MARK3: variants seen among roughly 807,000 people sequenced by gnomAD.
The protein encoded by MARK3 is microtubule affinity regulating kinase 3.
MARK3 carries 46 observed loss-of-function variants against 90.1 expected under a neutral mutation model. That is an observed-to-expected ratio of 0.51 (90% CI 0.40 to 0.65). The LOEUF (loss-of-function observed/expected upper bound fraction) is 0.65. Ranked by LOEUF, MARK3 falls within the 30% of genes least tolerant of loss-of-function variation. MARK3 has a pLI of 0.00. For missense variants in MARK3, 818 were observed against 947.2 expected (o/e 0.86, Z 1.79); for synonymous variants, 321 against 332.6 (o/e 0.97, Z 0.38).
intron 2 of MARK3, among the ~76,000 whole-genome samples, chr14:103,417,991 C>T (rs2092024337): frequency 6.6e-6 from 1 of 152,070 alleles, no homozygotes; most frequent in Non-Finnish European, 1.5e-5. Context: ...ATCTCTTGAA[C>T]CCGGGAGGCA....
intron 12 of MARK3, among the ~76,000 whole-genome samples, chr14:103,470,663 G>A (rs1016581210): frequency 3.3e-5 from 5 of 151,210 alleles, no homozygotes; most frequent in African/African-American, 1.2e-4. Context: ...ACCACATTTG[G>A]CCAGGCTGGT....
chr14:103,415,231 CAT>C (rs2091895515), intron 2 of MARK3, among the ~76,000 whole-genome samples: 1 of 122,670 alleles, frequency 8.2e-6, no homozygotes, highest in African/African-American at 3.0e-5. Context: ...ATTTAACAAA[CAT>C]GTTGGAATAA....
At position 103,468,096 on chromosome 14, in the gene MARK3, G is replaced by T. The variant is rs2093549859; in HGVS notation, c.1174G>T (p.Asp392Tyr). The T allele has an allele frequency of 6.2e-7, 1 of 1,614,002 alleles. No individual in the cohort carries two copies. Among genetic ancestry groups the T allele is most frequent in the Non-Finnish European group, 8.5e-7 (1 of 1,179,988 alleles). Residue 392 changes from aspartate to tyrosine, a missense_variant, in exon 12 of 18, where the codon GAT becomes TAT. Transcript: ENST00000429436. ...LSLAKVRPSS[D>Y]LNNSTGQSPH... ...ACTTGCTAAGGTTAGGCCGAGCAGTGATCTCAACAACAGTACTGGCCAGTC... is the reference window on the plus strand; with the variant it reads ...ACTTGCTAAGGTTAGGCCGAGCAGTTATCTCAACAACAGTACTGGCCAGTC...
intron 1 of MARK3, among the ~76,000 whole-genome samples, chr14:103,392,729 C>T (rs2090335308): frequency 6.6e-6 from 1 of 151,896 alleles, no homozygotes; most frequent in Admixed American, 6.6e-5. Flanking sequence ...ATTTGGTGAT[C>T]ACTTAACTGT....
intron 11 of MARK3, chr14:103,467,673 T>TG (rs1164167633): frequency 1.7e-4 from 1 of 5,974 alleles, no homozygotes; most frequent in Non-Finnish European, 3.8e-4. Context: ...AGACTCTGTC[T>TG]CAAAAAAAAA....
chr14:103,498,513 T>G lies in MARK3; in HGVS notation c.1856T>G (p.Phe619Cys), dbSNP rs2075473395. The G allele has an allele frequency of 1.5e-6, 2 of 1,365,132 alleles. No homozygotes were observed. Among genetic ancestry groups the G allele is most frequent in the Non-Finnish European group, 1.9e-6 (2 of 1,052,482 alleles). 84.6% of individuals were successfully genotyped at this position (1,365,132 alleles called of 1,614,324 possible). A position where few individuals can be genotyped will look rare whatever the true frequency, so the allele number is the denominator to read the frequency against. Residue 619 changes from phenylalanine (F) to cysteine (C), a missense_variant, in exon 16 of 18, where the codon TTC (phenylalanine) becomes TGC (cysteine). This residue lies in a region of MARK3 where 560 missense variants were observed against 613.5 expected (regional missense o/e 0.91). Transcript: ENST00000429436. ...TTAATTTCTTTTAGAAACATGTCAT[T>G]CAGGTTTATCAAAAGGTAGGATTTA... ...TSKLTRRNMS[F>C]RFIKRLPTEY...
At chr14:103,482,806 C>CT (rs896070543) in intron 14 of MARK3, among the ~76,000 whole-genome samples, 1 of 152,102 alleles carries the variant, frequency 6.6e-6, no homozygotes, top group Admixed American at 6.5e-5. Context: ...GCAATATTTC[C>CT]TTTCTGCATT....
chr14:103,386,258 C>A, intron 1 of MARK3, 178 bp downstream of exon 1: 1 of 724,968 alleles, frequency 1.4e-6, no homozygotes, highest in Non-Finnish European at 2.5e-6. Context: ...CCGTGTCCCG[C>A]TGTTCGCGGG....
intron 2 of MARK3, among the ~76,000 whole-genome samples, chr14:103,407,848 C>T (rs1052324008): frequency 1.4e-4 from 21 of 152,074 alleles, no homozygotes; most frequent in African/African-American, 4.6e-4. Context: ...TGTAAGCCAG[C>T]GTGCCCAACC....
At chr14:103,422,194 C>G (rs1038354712) in intron 2 of MARK3, among the ~76,000 whole-genome samples, 1 of 152,194 alleles carries the variant, frequency 6.6e-6, no homozygotes, top group South Asian at 2.1e-4. Context: ...ATGGCTCATG[C>G]CTGTGAATCC....
At chr14:103,414,063 G>A (rs950460882) in intron 2 of MARK3, among the ~76,000 whole-genome samples, 6 of 152,120 alleles carry the variant, frequency 3.9e-5, no homozygotes, top group Non-Finnish European at 8.8e-5. Context: ...TTACTGGATC[G>A]TGTGGTAAAG....
chr14:103,396,937 A>T (rs1317666988), intron 1 of MARK3, among the ~76,000 whole-genome samples: 4 of 152,224 alleles, frequency 2.6e-5, no homozygotes, highest in Non-Finnish European at 5.9e-5. Context: ...AGTATAAAAG[A>T]TAAACCAGTT....
chr14:103,401,037 TG>T (rs1665375267), intron 1 of MARK3, among the ~76,000 whole-genome samples: 1 of 148,930 alleles, frequency 6.7e-6, no homozygotes, highest in Non-Finnish European at 1.5e-5. Flanking sequence ...ATGAAATAAT[TG>T]ATTAACAGTA....
chr14:103,456,442 C>G (rs2093280020), intron 5 of MARK3, among the ~76,000 whole-genome samples: 1 of 152,220 alleles, frequency 6.6e-6, no homozygotes, highest in Admixed American at 6.5e-5. Flanking sequence ...TTCTCCAGCC[C>G]TGTGGCCTTC....
chr14:103,440,947 AAG>A (rs2092836603), intron 3 of MARK3, among the ~76,000 whole-genome samples: 4 of 149,078 alleles, frequency 2.7e-5, no homozygotes, highest in Admixed American at 6.7e-5. Flanking sequence ...AAAAAAAAAA[AAG>A]AAAAGAAAAG....
intron 15 of MARK3, among the ~76,000 whole-genome samples, chr14:103,493,874 CAA>C (rs539464779): frequency 1.5e-4 from 13 of 87,584 alleles, no homozygotes; most frequent in African/African-American, 1.8e-4. Context: ...GACTGTGTCT[CAA>C]AAAAAAAAAA....
intron 7 of MARK3, among the ~76,000 whole-genome samples, chr14:103,463,782 T>G (rs2093447667): frequency 6.6e-6 from 1 of 152,172 alleles, no homozygotes; most frequent in Non-Finnish European, 1.5e-5. Flanking sequence ...AATAAGATGG[T>G]CATTTCTCTG....
At position 103,449,811 on chromosome 14, in the gene MARK3, C is replaced by T. The variant is rs549870658; in HGVS notation, c.346+844C>T. Reference sequence around the variant, plus strand: ...CTTTTTTGTATAGTGATAGATCATACAATCTAAAAATAATATTTCAAGAAT... The same window carrying T: ...CTTTTTTGTATAGTGATAGATCATATAATCTAAAAATAATATTTCAAGAAT... On this transcript the variant is annotated intron_variant, in intron 4 of 17. Coordinates refer to ENST00000429436, the MANE Select transcript of MARK3 (RefSeq NM_001128918.3). Among the ~76,000 whole-genome samples, 39 of 152,236 alleles carry T rather than the reference C, an allele frequency of 2.6e-4. 1 individual carries two copies. The highest frequency in any genetic ancestry group is 9.4e-4 in the African/African-American group (39 of 41,550).
chr14:103,442,303 G>A (rs2092878498), intron 3 of MARK3, among the ~76,000 whole-genome samples: 1 of 151,524 alleles, frequency 6.6e-6, no homozygotes, highest in Non-Finnish European at 1.5e-5. Flanking sequence ...CCGGGGGGCG[G>A]AGCTTGCAGT....
Sources: gnomAD v4.1 joint callset for allele counts (sites outside exome capture counted in the v4.1 genomes callset) on GRCh38, gnomAD v4.1.1 for gene constraint, gnomAD v4.1.1 regional missense constraint, MANE v1.5 for transcripts, NCBI Gene and HGNC (gene_info 2026-07-23, HGNC 2026-07-21) for gene names.